Variants in PRKCH observed in about 807,000 individuals in gnomAD.
The protein encoded by PRKCH is protein kinase C eta type.
PRKCH carries 28 observed loss-of-function variants against 82.5 expected under a neutral mutation model. The observed-to-expected ratio is 0.34, with a 90% CI of 0.25 to 0.47. The LOEUF (loss-of-function observed/expected upper bound fraction) is 0.47. Ranked by LOEUF, PRKCH falls within the 20% of genes least tolerant of loss-of-function variation. PRKCH has a pLI of 1.00. For synonymous variants in PRKCH, 322 were observed against 327.4 expected, an observed-to-expected ratio of 0.98 and a Z score of 0.18; for missense variants, 705 against 881.8, an observed-to-expected ratio of 0.80 and a Z score of 2.54.
In PRKCH at chr14:61,280,930, G is replaced by C; in HGVS notation, c.-19+93262G>C. 2 of 1,539,234 alleles carry C rather than the reference G, an allele frequency of 1.3e-6. No individual in the cohort carries two copies. Among genetic ancestry groups the C allele is most frequent in the South Asian group, 1.2e-5 (1 of 83,558 alleles). On this transcript the variant is annotated intron_variant, in intron 1 of 3. Transcript: ENST00000555185. This position sits in a 1 kb window ranked among gnomAD's most constrained non-coding sequence, Gnocchi z 5.0. ...CGCGGCGCACACCGAGCAGTTACCGGTGCCCGGGTCGCCTGTATAGTCGTA... is the reference window on the plus strand; with the variant it reads ...CGCGGCGCACACCGAGCAGTTACCGCTGCCCGGGTCGCCTGTATAGTCGTA...
chr14:61,434,449 G>C (rs1250330892), intron 2 of PRKCH, among the ~76,000 whole-genome samples: 1 of 149,576 alleles, frequency 6.7e-6, no homozygotes, highest in Admixed American at 6.7e-5. Flanking sequence ...CTGTTAATGA[G>C]AAAAAAAAAC....
rs777203431 is a variant in PRKCH, at chr14:61,457,269, A to T, written c.1054A>T (p.Ile352Phe). The change falls in exon 8 of 14, where the codon ATC becomes TTC. Residue 352 changes from isoleucine to phenylalanine, a missense_variant. By Grantham distance (21) the Ile-to-Phe change is conservative. Transcript: ENST00000332981. ...IGVNSSNRLG[I>F]DNFEFIRVLG... is the part of the protein sequence containing the mutation. ...GGTTAATTCTTCCAACCGACTTGGT[A>T]TCGACAACTTTGAGTTCATCCGAGT... 2 of 1,614,220 alleles carry T rather than the reference A, an allele frequency of 1.2e-6. No individual in the cohort carries two copies. Among genetic ancestry groups the T allele is most frequent in the Non-Finnish European group, 1.7e-6 (2 of 1,180,036 alleles).
At chr14:61,489,251 C>G (rs921921938) in intron 10 of PRKCH, among the ~76,000 whole-genome samples, 2 of 152,194 alleles carry the variant, frequency 1.3e-5, no homozygotes, top group Non-Finnish European at 2.9e-5. Flanking sequence ...TGCCTCTGAC[C>G]TATCCAAACA....
Position 61,280,607 on chromosome 14 carries a change from G to C in PRKCH, c.-19+92939G>C, listed in dbSNP as rs770819667. 20 of 1,585,978 alleles carry C rather than the reference G, an allele frequency of 1.3e-5. No individual in the cohort carries two copies. The highest frequency in any genetic ancestry group is 1.7e-5 in the Non-Finnish European group (20 of 1,166,476). ...ACCTCGACGTAGGGCCCGCCGGGCT[G>C]GCGCTGGTGCCAAAGCGAGAAGGAG... On this transcript the variant is annotated intron_variant, in intron 1 of 3. Coordinates refer to the PRKCH transcript ENST00000555185. The surrounding 1 kb of genome is among the most constrained non-coding windows in gnomAD (Gnocchi z 5.0).
At chr14:61,398,151 A>G (rs1462893276) in intron 2 of PRKCH, among the ~76,000 whole-genome samples, 2 of 152,228 alleles carry the variant, frequency 1.3e-5, no homozygotes, top group Non-Finnish European at 2.9e-5. Flanking sequence ...TGAAGCTAAG[A>G]ACTGGATCTG....
In PRKCH at chr14:61,222,972, CT is replaced by C. The variant is rs543144397; in HGVS notation, c.-19+35313del. Among the ~76,000 whole-genome samples the C allele has an allele frequency of 1.2e-4, 18 of 151,538 alleles. No homozygotes were observed. The East Asian group carries it at 1.4e-3, about 11-fold the overall frequency. ...AGATATTTTCAGCCTGTCAGGACGC[CT>C]TTTTTTTTCCCCTCTTCCTTTGACT... On this transcript the variant is annotated intron_variant, in intron 1 of 3. Coordinates refer to the PRKCH transcript ENST00000555185.
At chr14:61,508,211 C>A (rs1263709719) in intron 10 of PRKCH, among the ~76,000 whole-genome samples, 2 of 152,074 alleles carry the variant, frequency 1.3e-5, no homozygotes, top group Non-Finnish European at 2.9e-5. Flanking sequence ...TTTAAAAAAA[C>A]CACAGCTCAC....
chr14:61,408,870 A>G (rs1380771094), intron 2 of PRKCH, among the ~76,000 whole-genome samples: 1 of 152,196 alleles, frequency 6.6e-6, no homozygotes, highest in South Asian at 2.1e-4. Flanking sequence ...GAGGGTGTCA[A>G]GTACATACAG....
At chr14:61,234,499 T>C (rs552808118) in intron 1 of PRKCH, among the ~76,000 whole-genome samples, 9 of 152,310 alleles carry the variant, frequency 5.9e-5, no homozygotes, top group African/African-American at 2.2e-4. Flanking sequence ...GTCTTACTCA[T>C]GTTGAGCATG....
In PRKCH at chr14:61,242,639, C is replaced by T. The variant is rs555822325; in HGVS notation, c.-19+54971C>T. On this transcript the variant is annotated intron_variant, in intron 1 of 3. Transcript: ENST00000555185. ...TCTCAAACTCCTGACCTCAGGTGATCCCCCCTCCTCGGCCTCCCAAAGTGC... is the reference window on the plus strand; with the variant it reads ...TCTCAAACTCCTGACCTCAGGTGATTCCCCCTCCTCGGCCTCCCAAAGTGC... Among the ~76,000 whole-genome samples, 243 of 152,164 alleles carry T rather than the reference C, an allele frequency of 1.6e-3. 1 individual carries two copies. The highest frequency in any genetic ancestry group is 5.5e-3 in the African/African-American group (230 of 41,522).
intron 1 of PRKCH, chr14:61,281,969 C>T (rs1255668818): frequency 1.5e-5 from 2 of 134,674 alleles, no homozygotes; most frequent in Admixed American, 8.3e-5. Context: ...GGAAAGTTCT[C>T]TAAAAATAAA....
At chr14:61,309,206 TG>T (rs1296959058) in intron 1 of PRKCH, among the ~76,000 whole-genome samples, 2 of 151,998 alleles carry the variant, frequency 1.3e-5, no homozygotes, top group African/African-American at 4.8e-5. Context: ...CACTTGAGCC[TG>T]GGAGGTCGAG....
intron 1 of PRKCH, among the ~76,000 whole-genome samples, chr14:61,211,183 C>A (rs2044576911): frequency 6.6e-6 from 1 of 152,094 alleles, no homozygotes; most frequent in Non-Finnish European, 1.5e-5. Flanking sequence ...GATACATGGC[C>A]CAGGACTTGG....
chr14:61,288,066 C>G (rs1219353355), intron 1 of PRKCH, among the ~76,000 whole-genome samples: 2 of 152,072 alleles, frequency 1.3e-5, no homozygotes, highest in African/African-American at 4.8e-5. Context: ...ATTGCTACAT[C>G]AGAGCAAAGC....
chr14:61,515,527 A>C (rs921571539), intron 10 of PRKCH, among the ~76,000 whole-genome samples: 1 of 152,190 alleles, frequency 6.6e-6, no homozygotes, highest in Non-Finnish European at 1.5e-5. Flanking sequence ...CTGTATCTTC[A>C]TGCATCAGAA....
chr14:61,200,615 A>G (rs1831654443), intron 1 of PRKCH, among the ~76,000 whole-genome samples: 1 of 152,192 alleles, frequency 6.6e-6, no homozygotes, highest in Non-Finnish European at 1.5e-5. Context: ...TAGCCTTATT[A>G]CAGTAGTCAA....
At chr14:61,491,888 C>G (rs1184542505) in intron 10 of PRKCH, among the ~76,000 whole-genome samples, 1 of 152,124 alleles carries the variant, frequency 6.6e-6, no homozygotes, top group Non-Finnish European at 1.5e-5. Context: ...ATGATTATAC[C>G]AATAAAAAGT....
At chr14:61,324,095 C>G (rs993123456) in intron 1 of PRKCH, among the ~76,000 whole-genome samples, 1 of 152,140 alleles carries the variant, frequency 6.6e-6, no homozygotes, top group Non-Finnish European at 1.5e-5. Context: ...CTGTGGGACC[C>G]CATCATCCGT....
chr14:61,302,207 G>C (rs1309731384), intron 1 of PRKCH, among the ~76,000 whole-genome samples: 1 of 152,124 alleles, frequency 6.6e-6, no homozygotes, highest in Non-Finnish European at 1.5e-5. Context: ...TGTGATCTGT[G>C]GCATAAAATG....
Sources: allele counts gnomAD v4.1 joint callset (sites outside exome capture counted in the v4.1 genomes callset), GRCh38; gene constraint gnomAD v4.1.1; non-coding constraint Gnocchi (gnomAD v3.1); transcripts MANE v1.5; gene names NCBI Gene and HGNC (gene_info 2026-07-23, HGNC 2026-07-21).